The following ADARB2 variants were observed in gnomAD, a reference collection of about 807,000 sequenced individuals.
ADARB2 encodes adenosine deaminase RNA specific B2 (inactive), also known as inactive double-stranded RNA-specific editase B2.
A neutral mutation model predicts 62.2 loss-of-function variants in ADARB2; 25 were observed. That is an observed-to-expected ratio of 0.40 (90% confidence interval 0.29 to 0.56). The LOEUF (loss-of-function observed/expected upper bound fraction) is 0.56. Among genes scored for constraint, ADARB2 ranks in the 20% least tolerant of loss-of-function variants. The probability of loss-of-function intolerance (pLI) is 0.43; values close to 1 mark genes in which losing one functional copy is unlikely to be tolerated. For synonymous variants in ADARB2, 572 were observed against 500.8 expected (o/e 1.14, Z -1.90); for missense variants, 1,071 against 1,077.4 (o/e 0.99, Z 0.08).
chr10:1,613,082 C>A (rs914080580), intron 1 of ADARB2, among the ~76,000 whole-genome samples: 1 of 152,200 alleles, frequency 6.6e-6, no homozygotes, highest in African/African-American at 2.4e-5. Flanking sequence ...ATTGTAAAGG[C>A]TCTGATGGAC....
chr10:1,621,325 C>T (rs548162355), intron 1 of ADARB2, among the ~76,000 whole-genome samples: 3 of 152,022 alleles, frequency 2.0e-5, no homozygotes, highest in African/African-American at 7.2e-5. Flanking sequence ...ATATTACTAA[C>T]AATCTGAAAA....
chr10:1,556,625 C>T (rs373189032), intron 1 of ADARB2: 1 of 525,760 alleles, frequency 1.9e-6, no homozygotes, highest in African/African-American at 1.9e-5. Context: ...CGAGGATGCC[C>T]TGATGTCTGT....
Position 1,363,907 on chromosome 10 carries a change from G to C in ADARB2, c.198C>G (p.Ser66Arg). 1 of 1,471,946 alleles carries C rather than the reference G, an allele frequency of 6.8e-7. No homozygotes were observed. The highest frequency in any genetic ancestry group is 8.9e-7 in the Non-Finnish European group (1 of 1,123,054). The allele number at this position is 1,471,946 out of a possible 1,614,324, so 91.2% of individuals were successfully genotyped here. The change falls in exon 3 of 10, where the codon AGC becomes AGG. Residue 66 changes from serine (S) to arginine (R), a missense_variant. Physicochemically the swap from Ser to Arg is moderately radical, Grantham distance 110. Transcript: ENST00000381312. The stretch of plus-strand genomic sequence containing the variant: ...CGTTGCGGTTCTCCTTCACCTCCGC[G>C]CTGCTGGTACCTGGAGGGGAGAACA... ...TEDDDTLSTS[S>R]AEVKENRNVG...
chr10:1,209,380 C>T (rs1340804626), intron 7 of ADARB2, among the ~76,000 whole-genome samples: 2 of 147,562 alleles, frequency 1.4e-5, no homozygotes. Flanking sequence ...CCCACACCTA[C>T]AGCCTCACCC....
At chr10:1,334,981 C>T (rs1831960145) in intron 3 of ADARB2, among the ~76,000 whole-genome samples, 1 of 152,154 alleles carries the variant, frequency 6.6e-6, no homozygotes, top group Admixed American at 6.5e-5. Flanking sequence ...ATGTGGGGCC[C>T]TTGTTAAAAG....
intron 1 of ADARB2, among the ~76,000 whole-genome samples, chr10:1,707,034 T>C (rs2119147534): frequency 6.6e-6 from 1 of 152,334 alleles, no homozygotes; most frequent in Middle Eastern, 3.4e-3. Flanking sequence ...AAGAGGGAGA[T>C]ACACCCCACA....
chr10:1,398,915 G>C lies in ADARB2; in HGVS notation c.101-19755C>G, dbSNP rs1275611262. ...TCTTGATGGGTAGAGTGGTTTGCCA[G>C]AGAACCACCGAAGAGCCTTCCAGGG... is the stretch of plus-strand genomic sequence containing the variant. On this transcript the variant is annotated intron_variant, in intron 1 of 9. Coordinates refer to ENST00000381312, the MANE Select transcript of ADARB2 (RefSeq NM_018702.4). This position sits in a 1 kb window ranked among gnomAD's most constrained non-coding sequence, Gnocchi z 4.1. 6.6e-6 allele frequency among the ~76,000 whole-genome samples: 1 copy of C among 152,174 alleles called. No individual in the cohort carries two copies. The highest frequency in any genetic ancestry group is 1.5e-5 in the Non-Finnish European group (1 of 68,028).
intron 3 of ADARB2, among the ~76,000 whole-genome samples, chr10:1,338,358 T>A (rs1389619085): frequency 6.6e-6 from 1 of 152,238 alleles, no homozygotes; most frequent in African/African-American, 2.4e-5. Flanking sequence ...TGGTCCATAA[T>A]AACTACATTG....
intron 3 of ADARB2, chr10:1,361,541 A>T (rs1832255425): frequency 6.6e-6 from 1 of 152,158 alleles, no homozygotes; most frequent in South Asian, 2.1e-4. Flanking sequence ...AAAATGAATG[A>T]ATGGCTTCCC....
chr10:1,554,347 T>C (rs922997935), intron 1 of ADARB2, among the ~76,000 whole-genome samples: 3 of 152,154 alleles, frequency 2.0e-5, no homozygotes, highest in African/African-American at 7.2e-5. Flanking sequence ...TTCCCTCTGG[T>C]TTAAACGCAG....
rs1465787403 is a variant in ADARB2 at position 1,676,730 on chromosome 10, TG to T, written c.100+60320del. On this transcript the variant is annotated intron_variant, in intron 1 of 9. Coordinates refer to ENST00000381312, the MANE Select transcript of ADARB2 (RefSeq NM_018702.4). ...AGGGTCTTAGAAATATTTAGGTGAT[TG>T]TTTAAAAACTTCCAAAGACCCTACT... Among the ~76,000 whole-genome samples the T allele has an allele frequency of 2.6e-5, 4 of 152,334 alleles. No individual in the cohort carries two copies. The East Asian group carries it at 7.7e-4, about 29-fold the overall frequency.
At chr10:1,285,724 A>G (rs1389601998) in intron 3 of ADARB2, among the ~76,000 whole-genome samples, 2 of 152,202 alleles carry the variant, frequency 1.3e-5, no homozygotes, top group South Asian at 2.1e-4. Flanking sequence ...CATTATTCAC[A>G]TTGGAAAATG....
intron 1 of ADARB2, among the ~76,000 whole-genome samples, chr10:1,392,889 C>G (rs774020715): frequency 1.1e-4 from 16 of 152,136 alleles, no homozygotes; most frequent in Non-Finnish European, 2.1e-4. Flanking sequence ...GAAGTCTAAC[C>G]CCCCAGTCCC....
At chr10:1,436,958 T>A (rs1830841100) in intron 1 of ADARB2, among the ~76,000 whole-genome samples, 1 of 152,198 alleles carries the variant, frequency 6.6e-6, no homozygotes, top group Admixed American at 6.5e-5. Flanking sequence ...AGTATAGTAG[T>A]TACATGTTTT....
At chr10:1,516,824 C>T (rs796088220) in intron 1 of ADARB2, among the ~76,000 whole-genome samples, 24 of 152,210 alleles carry the variant, frequency 1.6e-4, no homozygotes, top group African/African-American at 5.8e-4. Context: ...TCACTTGAAG[C>T]GTTTGTATTT....
intron 3 of ADARB2, among the ~76,000 whole-genome samples, chr10:1,334,467 G>A (rs1204997797): frequency 6.6e-6 from 1 of 152,142 alleles, no homozygotes; most frequent in Non-Finnish European, 1.5e-5. Context: ...ACACACATGT[G>A]CAAGTGTTTG....
rs560774194 is a variant in ADARB2, at chr10:1,309,552, A to C, written c.1078-38483T>G. The stretch of plus-strand genomic sequence containing the variant: ...TTTCTGGCTTAGGTTTAATATTTGA[A>C]AAGTTTTGTGAAATGTGCCAGGACG... On this transcript the variant is annotated intron_variant, in intron 3 of 9. Transcript: ENST00000381312. Among the ~76,000 whole-genome samples the C allele has an allele frequency of 2.6e-5, 4 of 152,304 alleles. No individual in the cohort carries two copies. The South Asian group carries it at 8.3e-4, about 32-fold the overall frequency.
chr10:1,497,455 C>A (rs545014886), intron 1 of ADARB2, among the ~76,000 whole-genome samples: 1 of 152,140 alleles, frequency 6.6e-6, no homozygotes, highest in Admixed American at 6.5e-5. Context: ...TCATTTGAGA[C>A]AAATTTTAGA....
At chr10:1,257,858 G>A (rs1831094030) in intron 4 of ADARB2, among the ~76,000 whole-genome samples, 1 of 152,114 alleles carries the variant, frequency 6.6e-6, no homozygotes, top group Admixed American at 6.5e-5. Flanking sequence ...TTTAAATATG[G>A]GGTCTACTGG....
Sources: allele counts gnomAD v4.1 joint callset (sites outside exome capture counted in the v4.1 genomes callset), GRCh38; gene constraint gnomAD v4.1.1; non-coding constraint Gnocchi (gnomAD v3.1); transcripts MANE v1.5; gene names NCBI Gene and HGNC (gene_info 2026-07-23, HGNC 2026-07-21).